The following TNFRSF1B variants were observed in gnomAD, a reference collection of about 807,000 sequenced individuals.
TNFRSF1B encodes the protein TNF receptor superfamily member 1B, also known as tumor necrosis factor receptor superfamily member 1B.
A neutral mutation model predicts 44.6 loss-of-function variants in TNFRSF1B; 19 were observed. That is an observed-to-expected ratio of 0.43 (90% CI 0.30 to 0.62). TNFRSF1B has a LOEUF of 0.62. Ranked by LOEUF, TNFRSF1B falls within the 20% of genes least tolerant of loss-of-function variation. The pLI is 0.16. For missense variants in TNFRSF1B, 541 were observed against 619.9 expected (o/e 0.87, Z 1.35); for synonymous variants, 252 against 261.1 (o/e 0.97, Z 0.34).
chr1:12,192,561 G>T, intron 5 of TNFRSF1B, 37 bp downstream of exon 5: 1 of 1,597,398 alleles, frequency 6.3e-7, no homozygotes, highest in Non-Finnish European at 8.6e-7. Context: ...GAGGAGCAGG[G>T]AGGGGCTGTC....
chr1:12,173,393 G>T (rs780018079), intron 1 of TNFRSF1B, among the ~76,000 whole-genome samples: 1 of 152,090 alleles, frequency 6.6e-6, no homozygotes, highest in Admixed American at 6.5e-5. Context: ...ACTTGCTTTG[G>T]GTGGATTGAT....
At chr1:12,205,151 A>G (rs1427413770) in intron 9 of TNFRSF1B, among the ~76,000 whole-genome samples, 2 of 152,100 alleles carry the variant, frequency 1.3e-5, no homozygotes, top group Non-Finnish European at 2.9e-5. Flanking sequence ...TGGGAAGTAA[A>G]TGTCTCTAGA....
rs998409797 is a variant in TNFRSF1B at position 12,187,855 on chromosome 1, C to T, written c.79-941C>T. On this transcript the variant is annotated intron_variant, in intron 1 of 9. Transcript: ENST00000376259. The surrounding 1 kb of genome is among the most constrained non-coding windows in gnomAD (Gnocchi z 5.5). The stretch of plus-strand genomic sequence containing the variant: ...GTTCACCAGCTTCAGCCCAACACCA[C>T]GGGGGTGGCTCTGGACCATGAATTG... 2.6e-5 allele frequency among the ~76,000 whole-genome samples: 4 copies of T among 152,166 alleles called. No individual in the cohort carries two copies. Among genetic ancestry groups the T allele is most frequent in the South Asian group, 2.1e-4 (1 of 4,834 alleles).
In TNFRSF1B at chr1:12,207,290, G is replaced by T; in HGVS notation, c.*270G>T. 2.5e-6 allele frequency: 1 copy of T among 395,686 alleles called. No homozygotes were observed. Among genetic ancestry groups the T allele is most frequent in the Non-Finnish European group, 4.5e-6 (1 of 223,706 alleles). 24.5% of individuals were successfully genotyped at this position (395,686 alleles called of 1,614,324 possible). ...GGACGTTCGGGGCATGCTGGGGCAA[G>T]TCCCTGACTCTCTGTGACCTGCCCC... On this transcript the variant is annotated 3_prime_UTR_variant, in exon 10 of 10. Transcript: ENST00000376259.
At chr1:12,175,558 C>T (rs534281548) in intron 1 of TNFRSF1B, among the ~76,000 whole-genome samples, 14 of 152,102 alleles carry the variant, frequency 9.2e-5, no homozygotes, top group Non-Finnish European at 1.8e-4. Flanking sequence ...TTTCTGGCTG[C>T]AACTCACAGA....
chr1:12,191,222 AC>A (rs1639114643), intron 3 of TNFRSF1B, 137 bp downstream of exon 3: 1 of 1,182,142 alleles, frequency 8.5e-7, no homozygotes, highest in East Asian at 2.4e-5. Context: ...GCAGCTGTTT[AC>A]CCCTACCACT....
chr1:12,175,177 C>G (rs1638625978), intron 1 of TNFRSF1B, among the ~76,000 whole-genome samples: 1 of 152,186 alleles, frequency 6.6e-6, no homozygotes, highest in African/African-American at 2.4e-5. Flanking sequence ...GGAGCAAGGC[C>G]AGAGGCCGTG....
rs17883794 is a variant in TNFRSF1B at position 12,178,619 on chromosome 1, TC to T, written c.79-10174del. Among the ~76,000 whole-genome samples the T allele has an allele frequency of 5.3e-3, 806 of 152,202 alleles. 7 individuals carry two copies. Among genetic ancestry groups the T allele is most frequent in the African/African-American group, 0.018 (744 of 41,504 alleles). Reference sequence around the variant, plus strand: ...GAGCCCCTAGGAGGGACCTCTGACCTCCCTGAAATGATGGCAGAGGGAACTC... The same window carrying T: ...GAGCCCCTAGGAGGGACCTCTGACCTCCTGAAATGATGGCAGAGGGAACTC... On this transcript the variant is annotated intron_variant, in intron 1 of 9. Coordinates refer to ENST00000376259, the MANE Select transcript of TNFRSF1B (RefSeq NM_001066.3). The surrounding 1 kb of genome is among the most constrained non-coding windows in gnomAD (Gnocchi z 4.3).
At position 12,167,116 on chromosome 1, in the gene TNFRSF1B, G is replaced by A; in HGVS notation, c.25G>A (p.Ala9Thr). The change falls in exon 1 of 10, where the codon GCG becomes ACG. Residue 9 changes from alanine (A) to threonine (T), a missense_variant. Transcript: ENST00000376259. ...CATGGCGCCCGTCGCCGTCTGGGCC[G>A]CGCTGGCCGTCGGACTGGAGCTCTG... MAPVAVWA[A>T]LAVGLELWAA... is the part of the protein sequence containing the mutation. 3 of 1,350,882 alleles carry A rather than the reference G, an allele frequency of 2.2e-6. No individual in the cohort carries two copies. The highest frequency in any genetic ancestry group is 2.9e-6 in the Non-Finnish European group (3 of 1,047,070). 83.7% of individuals were successfully genotyped at this position (1,350,882 alleles called of 1,614,324 possible).
At chr1:12,175,660 C>A (rs1376004985) in intron 1 of TNFRSF1B, among the ~76,000 whole-genome samples, 4 of 152,162 alleles carry the variant, frequency 2.6e-5, no homozygotes, top group Non-Finnish European at 4.4e-5. Context: ...CCTGTCCTGG[C>A]CCCCAGCTCC....
At position 12,193,926 on chromosome 1, in the gene TNFRSF1B, A is replaced by G. The variant is rs1475904898; in HGVS notation, c.788-29A>G. 3.1e-6 allele frequency: 5 copies of G among 1,596,714 alleles called. No individual in the cohort carries two copies. The African/African-American group carries it at 6.7e-5, about 21-fold the overall frequency. ...TGGTACATTTGAGTTTGTTTTCTGT[A>G]GCTGTCTGAGCTTCTCTTTTCTTTC... On this transcript the variant is annotated intron_variant, in intron 6 of 9. Coordinates refer to ENST00000376259, the MANE Select transcript of TNFRSF1B (RefSeq NM_001066.3).
intron 1 of TNFRSF1B, among the ~76,000 whole-genome samples, chr1:12,184,707 C>T (rs1638941383): frequency 6.6e-6 from 1 of 152,164 alleles, no homozygotes; most frequent in South Asian, 2.1e-4. Context: ...CCCATCAGGC[C>T]CTTTGAGCCC....
chr1:12,191,615 C>T (rs1222803554), intron 3 of TNFRSF1B, 159 bp from the exon 4 acceptor site: 2 of 819,332 alleles, frequency 2.4e-6, no homozygotes, highest in African/African-American at 3.4e-5. Flanking sequence ...GACTGCCGGT[C>T]CTGCCCCTGG....
chr1:12,167,691 G>C (rs1182024543), intron 1 of TNFRSF1B, among the ~76,000 whole-genome samples: 1 of 152,248 alleles, frequency 6.6e-6, no homozygotes, highest in East Asian at 1.9e-4. Context: ...TGTCTGAAGA[G>C]CAGGACCAGG....
intron 1 of TNFRSF1B, among the ~76,000 whole-genome samples, chr1:12,175,065 A>C (rs1031846982): frequency 1.2e-4 from 18 of 152,290 alleles, no homozygotes; most frequent in Admixed American, 1.1e-3. Flanking sequence ...CCTGAGTGGG[A>C]GAGCAGAGCG....
intron 1 of TNFRSF1B, among the ~76,000 whole-genome samples, chr1:12,181,232 G>A (rs914825993): frequency 1.3e-5 from 2 of 152,164 alleles, no homozygotes; most frequent in African/African-American, 2.4e-5. Flanking sequence ...CGGGCAGTTC[G>A]CTGCCCTGGG....
intron 1 of TNFRSF1B, among the ~76,000 whole-genome samples, chr1:12,173,626 G>A (rs1638568517): frequency 6.6e-6 from 1 of 152,220 alleles, no homozygotes; most frequent in Non-Finnish European, 1.5e-5. Flanking sequence ...AGAGCCTGCT[G>A]TCTGGGAACC....
At position 12,193,001 on chromosome 1, in the gene TNFRSF1B, T is replaced by A. The variant is rs772968093; in HGVS notation, c.690T>A (p.Thr230=). 13 of 1,614,092 alleles carry A rather than the reference T, an allele frequency of 8.1e-6. No homozygotes were observed. In the South Asian group the frequency reaches 1.4e-4, roughly 18 times the overall value. ...CACGATCCCAACACACGCAGCCAAC[T>A]CCAGAACCCAGCACTGCTCCAAGCA... The part of the protein sequence containing the change: ...VSTRSQHTQP[T]PEPSTAPSTS... The change falls in exon 6 of 10, where the codon ACT becomes ACA. Residue 230 remains threonine (T), a synonymous_variant. Transcript: ENST00000376259.
At chr1:12,192,818 A>G in intron 5 of TNFRSF1B, 45 bp from the exon 6 acceptor site, 1 of 1,542,058 alleles carries the variant, frequency 6.5e-7, no homozygotes, top group Non-Finnish European at 8.9e-7. Context: ...CACCCCAGCC[A>G]CTCTGTCCCC....
Sources: allele counts gnomAD v4.1 joint callset (sites outside exome capture counted in the v4.1 genomes callset), GRCh38; gene constraint gnomAD v4.1.1; non-coding constraint Gnocchi (gnomAD v3.1); transcripts MANE v1.5; gene names NCBI Gene and HGNC (gene_info 2026-07-23, HGNC 2026-07-21).